The following CNBD1 variants were observed in gnomAD, a reference collection of about 807,000 sequenced individuals.
CNBD1 encodes cyclic nucleotide binding domain containing 1.
In CNBD1, 71 loss-of-function variants were observed where a neutral mutation model predicts 54.4. The observed-to-expected ratio is 1.30, with a 90% CI of 1.08 to 1.59. CNBD1 has a LOEUF of 1.59. Ranked by LOEUF, CNBD1 falls within the 40% of genes most tolerant of loss-of-function variation. The pLI is 0.00. For synonymous variants in CNBD1, 182 were observed against 170.7 expected, an observed-to-expected ratio of 1.07 and a Z score of -0.51; for missense variants, 659 against 518.0, an observed-to-expected ratio of 1.27 and a Z score of -2.64.
chr8:87,268,276 C>T lies in CNBD1; in HGVS notation c.772-16402C>T, dbSNP rs898859208. ...GATCCATTCATGTTGCTGCAAAGGA[C>T]ATGATTTTGTTCTTTTGTATGGTTT... is the stretch of plus-strand genomic sequence containing the variant. On this transcript the variant is annotated intron_variant, in intron 6 of 10. Transcript: ENST00000518476. Among the ~76,000 whole-genome samples, 3 of 152,062 alleles carry T rather than the reference C, an allele frequency of 2.0e-5. No homozygotes were observed. The East Asian group carries it at 5.8e-4, about 29-fold the overall frequency.
intron 8 of CNBD1, among the ~76,000 whole-genome samples, chr8:87,307,272 C>A (rs1457166967): frequency 6.6e-6 from 1 of 152,166 alleles, no homozygotes; most frequent in Non-Finnish European, 1.5e-5. Flanking sequence ...TTGTGAAGAA[C>A]ACAATTTAAC....
intron 4 of CNBD1, among the ~76,000 whole-genome samples, chr8:87,077,118 G>T (rs1307474405): frequency 6.6e-6 from 1 of 152,160 alleles, no homozygotes; most frequent in African/African-American, 2.4e-5. Flanking sequence ...GGAGGGCAAA[G>T]GAAGGATATT....
chr8:86,942,014 A>G (rs1307013199), intron 4 of CNBD1, among the ~76,000 whole-genome samples: 1 of 152,208 alleles, frequency 6.6e-6, no homozygotes, highest in Non-Finnish European at 1.5e-5. Context: ...ACTGCTGTCA[A>G]TGGGTGGGCT....
chr8:87,228,596 G>C lies in CNBD1; in HGVS notation c.578-8323G>C, dbSNP rs548139157. Among the ~76,000 whole-genome samples, 1,037 of 150,348 alleles carry C rather than the reference G, an allele frequency of 6.9e-3. 9 individuals carry two copies. The highest frequency in any genetic ancestry group is 0.022 in the African/African-American group (889 of 39,894). On this transcript the variant is annotated intron_variant, in intron 5 of 10. Transcript: ENST00000518476. ...ACCCACTTGAGGAGGCAGTCCGCCC[G>C]TTCTCAGATCTCCAGCTGCGTGCTG...
intron 10 of CNBD1, 196 bp downstream of exon 10, chr8:87,353,982 T>A: frequency 4.9e-6 from 2 of 408,892 alleles, no homozygotes; most frequent in Non-Finnish European, 8.8e-6. Context: ...GTTTGTAGAG[T>A]GGGCTGGAAG....
At chr8:87,147,740 A>T (rs1563486857) in intron 4 of CNBD1, among the ~76,000 whole-genome samples, 1 of 152,072 alleles carries the variant, frequency 6.6e-6, no homozygotes, top group Non-Finnish European at 1.5e-5. Flanking sequence ...TAACTTCAAG[A>T]ATAATAAATT....
downstream of CNBD1, among the ~76,000 whole-genome samples, chr8:87,387,065 C>T (rs149469454): frequency 0.019 from 2,880 of 152,196 alleles, 92 homozygotes; most frequent in African/African-American, 0.063. Flanking sequence ...CTGAGAGATT[C>T]TGTCACCACC....
At chr8:86,959,493 A>T (rs1367644438) in intron 4 of CNBD1, among the ~76,000 whole-genome samples, 1 of 152,108 alleles carries the variant, frequency 6.6e-6, no homozygotes, top group Admixed American at 6.5e-5. Flanking sequence ...CACCAATGAG[A>T]TGTAGATTTG....
At chr8:87,124,712 G>T (rs897236709) in intron 4 of CNBD1, among the ~76,000 whole-genome samples, 13 of 151,698 alleles carry the variant, frequency 8.6e-5, no homozygotes, top group African/African-American at 2.7e-4. Flanking sequence ...ATGGTGAGAA[G>T]TTAAAAGCTT....
intron 4 of CNBD1, among the ~76,000 whole-genome samples, chr8:87,106,896 C>A (rs188435186): frequency 1.3e-5 from 2 of 151,624 alleles, no homozygotes; most frequent in Non-Finnish European, 2.9e-5. Context: ...GTGGTGTGAT[C>A]TCGGCTTACT....
intron 8 of CNBD1, among the ~76,000 whole-genome samples, chr8:87,307,653 G>A (rs1299445001): frequency 3.3e-5 from 5 of 151,606 alleles, no homozygotes; most frequent in Admixed American, 6.6e-5. Flanking sequence ...CAGGAGAATC[G>A]CTTGAACCTG....
intron 4 of CNBD1, among the ~76,000 whole-genome samples, chr8:87,197,767 G>C (rs1043068499): frequency 2.6e-5 from 4 of 152,164 alleles, no homozygotes; most frequent in African/African-American, 9.7e-5. Context: ...AAATGATAAA[G>C]AGCTGTAACT....
chr8:87,359,189 T>C (rs1297899756), intron 10 of CNBD1, among the ~76,000 whole-genome samples: 8 of 152,172 alleles, frequency 5.3e-5, no homozygotes, highest in Non-Finnish European at 1.5e-5. Flanking sequence ...CTTGGCATTG[T>C]ATGGGATTTA....
At chr8:87,139,199 A>G (rs1375017067) in intron 4 of CNBD1, among the ~76,000 whole-genome samples, 1 of 152,188 alleles carries the variant, frequency 6.6e-6, no homozygotes, top group Non-Finnish European at 1.5e-5. Flanking sequence ...AAGCCCTGCC[A>G]TGGAAAGGAA....
rs1438589274 is a variant in CNBD1, at chr8:87,051,201, C to G, written c.431+111447C>G. ...GAAAAATTTCAAGTTAAGGGCTTCC[C>G]TGAGATGTCCATCACAGTCATGCTA... On this transcript the variant is annotated intron_variant, in intron 4 of 10. Coordinates refer to ENST00000518476, the MANE Select transcript of CNBD1 (RefSeq NM_173538.3). 4.6e-5 allele frequency among the ~76,000 whole-genome samples: 7 copies of G among 152,232 alleles called. No individual in the cohort carries two copies. The East Asian group carries it at 1.4e-3, about 30-fold the overall frequency.
At chr8:87,115,798 T>G (rs1038224105) in intron 4 of CNBD1, among the ~76,000 whole-genome samples, 3 of 152,226 alleles carry the variant, frequency 2.0e-5, no homozygotes, top group Admixed American at 6.5e-5. Flanking sequence ...TCAAAGATAC[T>G]GCATAAGCCC....
intron 4 of CNBD1, among the ~76,000 whole-genome samples, chr8:86,961,439 T>C (rs938203836): frequency 1.3e-5 from 2 of 152,220 alleles, no homozygotes; most frequent in Middle Eastern, 3.2e-3. Context: ...ATACATGCAA[T>C]GCAATCTTAC....
chr8:87,376,220 T>C (rs1158765983), intron 10 of CNBD1, among the ~76,000 whole-genome samples: 1 of 151,850 alleles, frequency 6.6e-6, no homozygotes, highest in African/African-American at 2.4e-5. Context: ...TCCCATAGTT[T>C]TGGAGGGCAA....
intron 2 of CNBD1, among the ~76,000 whole-genome samples, chr8:87,393,062 G>C (rs1337400566): frequency 6.6e-6 from 1 of 151,844 alleles, no homozygotes; most frequent in Non-Finnish European, 1.5e-5. Flanking sequence ...TTAGGACAGA[G>C]GAATTATAAA....
Sources: gnomAD v4.1 joint callset for allele counts (sites outside exome capture counted in the v4.1 genomes callset) on GRCh38, gnomAD v4.1.1 for gene constraint, MANE v1.5 for transcripts, NCBI Gene and HGNC (gene_info 2026-07-23, HGNC 2026-07-21) for gene names.